The following VPS13B variants were observed in gnomAD, a reference collection of about 807,000 sequenced individuals.
VPS13B encodes the protein vacuolar protein sorting 13 homolog B.
A neutral mutation model predicts 426.4 loss-of-function variants in VPS13B; 285 were observed. The observed-to-expected ratio is 0.67, with a 90% CI of 0.61 to 0.74. VPS13B has a LOEUF of 0.74. Ranked by LOEUF, VPS13B falls within the 30% of genes least tolerant of loss-of-function variation. The pLI, the probability that VPS13B is intolerant of heterozygous loss-of-function variation, is 0.00. For synonymous variants in VPS13B, 1,676 were observed against 1,676.4 expected (o/e 1.00, Z 0.01); for missense variants, 4,537 against 4,782.6 (o/e 0.95, Z 1.51).
At position 99,699,719 on chromosome 8, in the gene VPS13B, T is replaced by G; in HGVS notation, c.6241T>G (p.Ser2081Ala). The change falls in exon 36 of 62, where the codon TCT becomes GCT. Residue 2081 changes from serine (S) to alanine (A), a missense_variant. Coordinates refer to ENST00000357162, the MANE Select transcript of VPS13B (RefSeq NM_152564.5). ...PVSKYYRGKL[S>A]KPKIHGDGVQ... ...CTCCAAATATTACCGTGGAAAGTTG[T>G]CTAAACCCAAAATTCATGGTGATGG... The G allele has an allele frequency of 6.2e-7, 1 of 1,614,144 alleles. No homozygotes were observed. Among genetic ancestry groups the G allele is most frequent in the Non-Finnish European group, 8.5e-7 (1 of 1,180,030 alleles).
rs776995646 is a variant in VPS13B, at chr8:99,778,911, A to C, written c.7659A>C (p.Ala2553=). ...VKPFSIFGQM[A]VSSDVVEKLL... is the part of the protein sequence containing the mutation. ...CCTTCAGCATCTTCGGGCAGATGGC[A>C]GTTTCCAGCGATGTAGTGGAAAAGC... is the stretch of plus-strand genomic sequence containing the variant. The change falls in exon 42 of 62, where the codon GCA becomes GCC. Residue 2553 remains alanine (A), a synonymous_variant. Coordinates refer to ENST00000357162, the MANE Select transcript of VPS13B (RefSeq NM_152564.5). The C allele has an allele frequency of 3.7e-6, 6 of 1,613,906 alleles. No homozygotes were observed. Among genetic ancestry groups the C allele is most frequent in the Non-Finnish European group, 5.1e-6 (6 of 1,179,928 alleles).
At chr8:99,734,365 T>G (rs1388020206) in intron 39 of VPS13B, among the ~76,000 whole-genome samples, 2 of 152,196 alleles carry the variant, frequency 1.3e-5, no homozygotes, top group Non-Finnish European at 2.9e-5. Flanking sequence ...GACCAAAAGA[T>G]GATGATGATG....
In VPS13B at chr8:99,876,252, T is replaced by C. The variant is rs1185743571; in HGVS notation, c.*586T>C. On this transcript the variant is annotated 3_prime_UTR_variant, in exon 62 of 62. Transcript: ENST00000357162. ...CCTAGGATTCTTTCTTTAAATGAAATGCTTAGGACTTTGTGGCTTGTTACA... is the reference window on the plus strand; with the variant it reads ...CCTAGGATTCTTTCTTTAAATGAAACGCTTAGGACTTTGTGGCTTGTTACA... The C allele has an allele frequency of 6.5e-6, 1 of 153,964 alleles. No homozygotes were observed. The highest frequency in any genetic ancestry group is 1.4e-5 in the Non-Finnish European group (1 of 69,326). 9.5% of individuals were successfully genotyped at this position (153,964 alleles called of 1,614,324 possible).
chr8:99,222,285 C>G (rs1013627836), intron 17 of VPS13B, among the ~76,000 whole-genome samples: 1 of 152,224 alleles, frequency 6.6e-6, no homozygotes, highest in Non-Finnish European at 1.5e-5. Flanking sequence ...CCCCATGTAA[C>G]TTCCTTCCCA....
intron 33 of VPS13B, among the ~76,000 whole-genome samples, chr8:99,598,829 CTGTCCATGAATGTT>C (rs1827143313): frequency 6.6e-6 from 1 of 151,380 alleles, no homozygotes; most frequent in Non-Finnish European, 1.5e-5. Context: ...ACTTGGTAAC[CTGTCCATGAATGTT>C]TGGTGCCTGT....
intron 19 of VPS13B, among the ~76,000 whole-genome samples, chr8:99,336,443 C>T (rs1271066141): frequency 6.6e-6 from 1 of 152,128 alleles, no homozygotes; most frequent in Non-Finnish European, 1.5e-5. Context: ...CCATTCAGGA[C>T]ATAGGCATGG....
chr8:99,248,767 G>A (rs901460570), intron 17 of VPS13B, among the ~76,000 whole-genome samples: 1 of 152,100 alleles, frequency 6.6e-6, no homozygotes, highest in Admixed American at 6.5e-5. Context: ...TGAACCAGAT[G>A]GTTTTCTTTC....
intron 23 of VPS13B, among the ~76,000 whole-genome samples, chr8:99,449,810 G>T (rs1818099458): frequency 2.0e-5 from 3 of 150,772 alleles, no homozygotes; most frequent in African/African-American, 7.4e-5. Flanking sequence ...TCAGAAGAAT[G>T]ATTTTTTTTT....
chr8:99,401,163 G>A (rs1163480883), intron 21 of VPS13B, among the ~76,000 whole-genome samples: 1 of 152,054 alleles, frequency 6.6e-6, no homozygotes, highest in African/African-American at 2.4e-5. Context: ...TTATTTTTCA[G>A]TCCCATCTAT....
chr8:99,141,897 A>G (rs1052418230), intron 12 of VPS13B, among the ~76,000 whole-genome samples: 1 of 147,768 alleles, frequency 6.8e-6, no homozygotes, highest in African/African-American at 2.5e-5. Context: ...AAAAAAAAAA[A>G]ACAAAATTAG....
Position 99,639,985 on chromosome 8 carries a change from GTAATAATAATAATAATAATAATAATAA to G in VPS13B, c.5221-1810_5221-1784del, listed in dbSNP as rs58877812. 1.5e-3 allele frequency among the ~76,000 whole-genome samples: 123 copies of G among 81,160 alleles called. 1 individual carries two copies. The highest frequency in any genetic ancestry group is 3.7e-3 in the Admixed American group (23 of 6,214). 53.2% of individuals were successfully genotyped at this position (81,160 alleles called of 152,430 possible). A position where few individuals can be genotyped will look rare whatever the true frequency, so the allele number is the denominator to read the frequency against. On this transcript the variant is annotated intron_variant, in intron 33 of 61. Coordinates refer to ENST00000357162, the MANE Select transcript of VPS13B (RefSeq NM_152564.5). ...GAACAAGACTCTCTCTTTAAAAATA[GTAATAATAATAATAATAATAATAATAA>G]TAATAATAATAATAAGAAGAAGAAG...
intron 38 of VPS13B, 116 bp downstream of exon 38, chr8:99,720,668 A>G: frequency 8.1e-7 from 1 of 1,240,152 alleles, no homozygotes; most frequent in Non-Finnish European, 1.2e-6. Context: ...TAAAATTTGC[A>G]GTACAAAAAT....
At chr8:99,586,324 G>A (rs1353515809) in intron 33 of VPS13B, among the ~76,000 whole-genome samples, 1 of 152,130 alleles carries the variant, frequency 6.6e-6, no homozygotes, top group Non-Finnish European at 1.5e-5. Context: ...CCTCAGAGCT[G>A]TTCATTTATT....
chr8:99,328,204 C>G (rs1304322331), intron 19 of VPS13B, among the ~76,000 whole-genome samples: 1 of 152,158 alleles, frequency 6.6e-6, no homozygotes, highest in African/African-American at 2.4e-5. Flanking sequence ...AATCTAATGT[C>G]TGATGATCTG....
chr8:99,504,901 A>G (rs908834046), intron 27 of VPS13B, among the ~76,000 whole-genome samples: 19 of 152,212 alleles, frequency 1.2e-4, no homozygotes, highest in African/African-American at 4.3e-4. Flanking sequence ...TGTTTTGTCT[A>G]CACTGAAAAT....
chr8:99,818,739 G>C lies in VPS13B; in HGVS notation c.8472G>C (p.Met2824Ile). ...RMIVFSPLFIMRSHLPDPIII... is the reference protein window; with the variant it reads ...RMIVFSPLFIIRSHLPDPIII... The stretch of plus-strand genomic sequence containing the variant: ...TTGTGTTCAGCCCTCTTTTTATCAT[G>C]AGGAGTCATCTTCCAGACCCCATTA... Residue 2824 changes from methionine (M) to isoleucine (I), a missense_variant, in exon 47 of 62, where the codon ATG (methionine) becomes ATC (isoleucine). By Grantham distance (10) the Met-to-Ile change is conservative. Transcript: ENST00000357162. 1 of 1,613,912 alleles carries C rather than the reference G, an allele frequency of 6.2e-7. No individual in the cohort carries two copies. The highest frequency in any genetic ancestry group is 8.5e-7 in the Non-Finnish European group (1 of 1,179,936).
chr8:99,473,054 A>G (rs1179624193), intron 24 of VPS13B, among the ~76,000 whole-genome samples: 3 of 152,084 alleles, frequency 2.0e-5, no homozygotes, highest in Admixed American at 2.0e-4. Context: ...TCCAATCTAG[A>G]TGGATGAATT....
chr8:99,452,391 A>G (rs565270789), intron 23 of VPS13B, among the ~76,000 whole-genome samples: 2 of 152,110 alleles, frequency 1.3e-5, no homozygotes, highest in South Asian at 4.2e-4. Context: ...ATTTTTCTTC[A>G]GTATCTGATT....
At chr8:99,813,202 A>G (rs1482556166) in intron 44 of VPS13B, among the ~76,000 whole-genome samples, 2 of 152,122 alleles carry the variant, frequency 1.3e-5, no homozygotes, top group African/African-American at 4.8e-5. Context: ...CTCCCTGGCC[A>G]CTTTTAAGAA....
Sources: gnomAD v4.1 joint callset for allele counts (sites outside exome capture counted in the v4.1 genomes callset) on GRCh38, gnomAD v4.1.1 for gene constraint, MANE v1.5 for transcripts, NCBI Gene and HGNC (gene_info 2026-07-23, HGNC 2026-07-21) for gene names.